The following EXOC1 variants were observed in gnomAD, a reference collection of about 807,000 sequenced individuals.
The protein encoded by EXOC1 is exocyst complex component 1.
A neutral mutation model predicts 107.7 loss-of-function variants in EXOC1; 67 were observed. The observed-to-expected ratio is 0.62, with a 90% CI of 0.51 to 0.76. The LOEUF is 0.76. EXOC1 is among the 30% of genes least tolerant of loss of function. EXOC1 has a pLI of 0.00. For missense variants in EXOC1, 833 were observed against 1,055.7 expected, an observed-to-expected ratio of 0.79 and a Z score of 2.92; for synonymous variants, 348 against 353.5, an observed-to-expected ratio of 0.98 and a Z score of 0.17.
At chr4:55,863,339 T>C (rs1183904733) in intron 3 of EXOC1, among the ~76,000 whole-genome samples, 1 of 152,046 alleles carries the variant, frequency 6.6e-6, no homozygotes, top group Non-Finnish European at 1.5e-5. Context: ...AGCTTCTTTA[T>C]CACATGAAAG....
Position 55,904,242 on chromosome 4 carries a change from A to G in EXOC1, c.2533-101A>G, listed in dbSNP as rs905816221. ...TTCAGAATGCATGTTCCTAGCTACT[A>G]TACTACCCAAATTCTTAGAATATGC... On this transcript the variant is annotated intron_variant, in intron 18 of 18. Coordinates refer to ENST00000381295, the MANE Select transcript of EXOC1 (RefSeq NM_001024924.2). The G allele has an allele frequency of 2.1e-5, 25 of 1,216,966 alleles. No homozygotes were observed. The African/African-American group carries it at 2.7e-4, about 13-fold the overall frequency. The allele number at this position is 1,216,966 out of a possible 1,614,324, so 75.4% of individuals were successfully genotyped here. A position where few individuals can be genotyped will look rare whatever the true frequency, so the allele number is the denominator to read the frequency against.
intron 10 of EXOC1, among the ~76,000 whole-genome samples, chr4:55,885,218 G>C (rs562977592): frequency 6.6e-6 from 1 of 152,024 alleles, no homozygotes; most frequent in South Asian, 2.1e-4. Context: ...TATTTTGAGA[G>C]AACTCCTTCA....
chr4:55,860,601 G>T lies in EXOC1; in HGVS notation c.255+60G>T, dbSNP rs545726758. The T allele has an allele frequency of 7.7e-6, 12 of 1,568,170 alleles. No homozygotes were observed. The South Asian group carries it at 1.1e-4, about 14-fold the overall frequency. ...AAAGCATCTTTCATTTTATAACATG[G>T]TATTACATATTCTAAAATGATCTAA... is the stretch of plus-strand genomic sequence containing the variant. On this transcript the variant is annotated intron_variant, in intron 3 of 18. Transcript: ENST00000381295.
chr4:55,895,141 T>A (rs1171718062), intron 15 of EXOC1, among the ~76,000 whole-genome samples: 1 of 152,208 alleles, frequency 6.6e-6, no homozygotes, highest in East Asian at 1.9e-4. Context: ...ATATCTTATT[T>A]CAATAATGTC....
Position 55,891,380 on chromosome 4 carries a change from A to T in EXOC1, c.1605A>T (p.Lys535Asn). 1 of 1,613,864 alleles carries T rather than the reference A, an allele frequency of 6.2e-7. No individual in the cohort carries two copies. The highest frequency in any genetic ancestry group is 8.5e-7 in the Non-Finnish European group (1 of 1,179,882). The stretch of plus-strand genomic sequence containing the variant: ...TGGCAGAACAGGACTTCATAAGTAA[A>T]TTTTTCAAACTACAGCAACATCAAA... ...LCLAEQDFIS[K>N]FFKLQQHQSM... is the part of the protein sequence containing the mutation. Residue 535 changes from lysine to asparagine, a missense_variant, in exon 13 of 19, where the codon AAA becomes AAT. Physicochemically the swap from Lys to Asn is moderately conservative, Grantham distance 94 (BLOSUM62 0). Around this residue, in one of 2 missense-constraint regions of EXOC1, gnomAD observed 617 missense variants for 701.3 expected, o/e 0.88. Coordinates refer to ENST00000381295, the MANE Select transcript of EXOC1 (RefSeq NM_001024924.2).
At chr4:55,893,065 T>C (rs1315013163) in intron 14 of EXOC1, among the ~76,000 whole-genome samples, 1 of 152,180 alleles carries the variant, frequency 6.6e-6, no homozygotes, top group Non-Finnish European at 1.5e-5. Flanking sequence ...CAGTAAAATA[T>C]TTTTATATCA....
chr4:55,903,066 C>T (rs1025390371), intron 18 of EXOC1, among the ~76,000 whole-genome samples: 3 of 150,646 alleles, frequency 2.0e-5, no homozygotes, highest in African/African-American at 7.3e-5. Flanking sequence ...ATCACTTGAG[C>T]CCAGGAGATT....
At chr4:55,901,148 A>T (rs1725856282) in intron 17 of EXOC1, among the ~76,000 whole-genome samples, 1 of 152,206 alleles carries the variant, frequency 6.6e-6, no homozygotes, top group Admixed American at 6.6e-5. Flanking sequence ...AGCCAGTTCA[A>T]CAAGACCTGA....
At position 55,864,242 on chromosome 4, in the gene EXOC1, G is replaced by A; in HGVS notation, c.271G>A (p.Asp91Asn). 1 of 1,572,544 alleles carries A rather than the reference G, an allele frequency of 6.4e-7. No homozygotes were observed. Among genetic ancestry groups the A allele is most frequent in the Non-Finnish European group, 8.6e-7 (1 of 1,157,170 alleles). Reference sequence around the variant, plus strand: ...TTTATTTTAGGAAAATCCTGAATTTGATTTACACTTTGAAAAAATATATAA... The same window carrying A: ...TTTATTTTAGGAAAATCCTGAATTTAATTTACACTTTGAAAAAATATATAA... ...KDAIKENPEF[D>N]LHFEKIYKWV... The change falls in exon 4 of 19, where the codon GAT becomes AAT. Residue 91 changes from aspartate (D) to asparagine (N), a missense_variant. Coordinates refer to ENST00000381295, the MANE Select transcript of EXOC1 (RefSeq NM_001024924.2).
Position 55,871,923 on chromosome 4 carries a change from C to T in EXOC1, c.1039C>T (p.Leu347=). The change falls in exon 8 of 19, where the codon CTG becomes TTG. Residue 347 remains leucine (L), a synonymous_variant. Transcript: ENST00000381295. ...TTTGCGAGAGCTTTTTGCCCGGAGA[C>T]TGGCCAGTCACCTCAACAATGTTTT... ...SDLRELFARR[L]ASHLNNVFVQ... 1 of 1,613,810 alleles carries T rather than the reference C, an allele frequency of 6.2e-7. No individual in the cohort carries two copies. Among genetic ancestry groups the T allele is most frequent in the Non-Finnish European group, 8.5e-7 (1 of 1,179,806 alleles).
intron 14 of EXOC1, 87 bp downstream of exon 14, chr4:55,892,798 C>G: frequency 8.0e-7 from 1 of 1,255,734 alleles, no homozygotes; most frequent in Non-Finnish European, 1.2e-6. Context: ...CTAGATGTTT[C>G]TCAGTAGCCT....
At chr4:55,875,685 G>A (rs1650042628) in intron 8 of EXOC1, 21 of 985,082 alleles carry the variant, frequency 2.1e-5, no homozygotes, top group Non-Finnish European at 2.3e-5. Context: ...ACGATACATT[G>A]TTACTAATAA....
chr4:55,872,646 A>G (rs73238381), intron 8 of EXOC1: 22,102 of 249,470 alleles, frequency 0.089, 1,076 homozygotes, highest in African/African-American at 0.12. Context: ...AAATTGGGGG[A>G]ATATCTCGTT....
intron 8 of EXOC1, among the ~76,000 whole-genome samples, chr4:55,874,888 A>T (rs575628063): frequency 2.0e-5 from 3 of 152,302 alleles, no homozygotes; most frequent in South Asian, 2.1e-4. Context: ...GAAATTGAGG[A>T]AATATTTGCA....
chr4:55,890,412 T>C (rs1724378468), intron 12 of EXOC1, 26 bp downstream of exon 12: 1 of 1,606,136 alleles, frequency 6.2e-7, no homozygotes, highest in Admixed American at 1.7e-5. Context: ...AAGTACTTCT[T>C]AAACATTAAC....
chr4:55,904,565 A>G lies in EXOC1; in HGVS notation c.*70A>G. 1 of 1,452,558 alleles carries G rather than the reference A, an allele frequency of 6.9e-7. No homozygotes were observed. The highest frequency in any genetic ancestry group is 9.2e-7 in the Non-Finnish European group (1 of 1,088,040). 90.0% of individuals were successfully genotyped at this position (1,452,558 alleles called of 1,614,324 possible). On this transcript the variant is annotated 3_prime_UTR_variant, in exon 19 of 19. Coordinates refer to ENST00000381295, the MANE Select transcript of EXOC1 (RefSeq NM_001024924.2). ...TAACAGACACTATACCAAAATACCA[A>G]GCAACTGTTTTGAGAACCCAGACTT...
At chr4:55,892,498 C>G (rs1230570371) in intron 13 of EXOC1, 137 bp from the exon 14 acceptor site, 1 of 669,772 alleles carries the variant, frequency 1.5e-6, no homozygotes, top group East Asian at 2.7e-5. Context: ...CTAGCTTTAT[C>G]ATAATGCTAC....
intron 3 of EXOC1, among the ~76,000 whole-genome samples, chr4:55,861,453 A>G (rs1231315719): frequency 1.3e-5 from 2 of 152,240 alleles, no homozygotes; most frequent in East Asian, 1.9e-4. Context: ...TTAAAATAAA[A>G]TTCTGATTTT....
intron 1 of EXOC1, among the ~76,000 whole-genome samples, chr4:55,857,410 C>T (rs1172607181): frequency 6.6e-6 from 1 of 151,776 alleles, no homozygotes; most frequent in African/African-American, 2.4e-5. Context: ...CCTCTTGATC[C>T]GCCCGCCTCG....
Sources: allele counts gnomAD v4.1 joint callset (sites outside exome capture counted in the v4.1 genomes callset), GRCh38; gene constraint gnomAD v4.1.1; regional missense constraint gnomAD v4.1.1; transcripts MANE v1.5; gene names NCBI Gene and HGNC (gene_info 2026-07-23, HGNC 2026-07-21).